Variants in IGSF11 observed in about 807,000 individuals in gnomAD.
IGSF11 encodes the protein CXADR like 1.
In IGSF11, 22 loss-of-function variants were observed where a neutral mutation model predicts 41.0. The observed-to-expected ratio is 0.54, with a 90% CI of 0.38 to 0.77. The LOEUF (loss-of-function observed/expected upper bound fraction) is 0.77, where lower values mean the gene tolerates loss of function less well. Among genes scored for constraint, IGSF11 ranks in the 30% least tolerant of loss-of-function variants. IGSF11 has a pLI of 0.00. For synonymous variants in IGSF11, 219 were observed against 201.3 expected (o/e 1.09, Z -0.74); for missense variants, 444 against 530.8 (o/e 0.84, Z 1.61).
chr3:119,003,988 A>G lies in IGSF11; in HGVS notation c.52+30543T>C, dbSNP rs567718149. Among the ~76,000 whole-genome samples the G allele has an allele frequency of 3.8e-3, 572 of 152,092 alleles. 2 individuals are homozygous for G. The highest frequency in any genetic ancestry group is 6.8e-3 in the Non-Finnish European group (460 of 67,994). On this transcript the variant is annotated intron_variant, in intron 1 of 6. Coordinates refer to ENST00000393775, the MANE Select transcript of IGSF11 (RefSeq NM_001015887.3). ...TGATGTTGGCCTCATAAAATGAGTT[A>G]GGGAGGATTCCCTCTTTTTTTATTG...
chr3:119,100,718 GT>G, intron 1 of IGSF11, among the ~76,000 whole-genome samples: 1 of 152,278 alleles, frequency 6.6e-6, no homozygotes, highest in Non-Finnish European at 1.5e-5. Flanking sequence ...ACCATGAGAC[GT>G]TTCTAAGGTT....
At chr3:118,965,173 T>A (rs1434539222) in intron 1 of IGSF11, among the ~76,000 whole-genome samples, 1 of 152,126 alleles carries the variant, frequency 6.6e-6, no homozygotes, top group East Asian at 1.9e-4. Flanking sequence ...AAAATATACT[T>A]TAGCATATAA....
At chr3:118,998,579 C>T (rs1284552513) in intron 1 of IGSF11, among the ~76,000 whole-genome samples, 1 of 129,770 alleles carries the variant, frequency 7.7e-6, no homozygotes, top group Non-Finnish European at 1.7e-5. Context: ...GTATTATTTG[C>T]AAAAAAAAAA....
intron 1 of IGSF11, among the ~76,000 whole-genome samples, chr3:119,111,679 GT>G (rs1352030802): frequency 6.6e-6 from 1 of 152,200 alleles, no homozygotes; most frequent in African/African-American, 2.4e-5. Context: ...GCTTTTTAGA[GT>G]TTCCAGTTTT....
chr3:119,091,543 T>A (rs1439188313), intron 1 of IGSF11, among the ~76,000 whole-genome samples: 1 of 152,182 alleles, frequency 6.6e-6, no homozygotes, highest in Non-Finnish European at 1.5e-5. Flanking sequence ...AATGAAATAA[T>A]ATCCTTTGCA....
At position 118,903,822 on chromosome 3, in the gene IGSF11, GC is replaced by G. The variant is rs545947283; in HGVS notation, c.854+825del. Among the ~76,000 whole-genome samples, 518 of 152,296 alleles carry G rather than the reference GC, an allele frequency of 3.4e-3. 3 individuals are homozygous for G. Among genetic ancestry groups the G allele is most frequent in the African/African-American group, 0.011 (464 of 41,568 alleles). Reference sequence around the variant, plus strand: ...ACGAGTCTGAAAGGTTAGGCAAGGGGCTAAAGACAACTTATGTGAGGAGGTG... The same window carrying G: ...ACGAGTCTGAAAGGTTAGGCAAGGGGTAAAGACAACTTATGTGAGGAGGTG... On this transcript the variant is annotated intron_variant, in intron 6 of 6. Transcript: ENST00000393775.
chr3:119,055,563 G>C (rs926444860), intron 1 of IGSF11, among the ~76,000 whole-genome samples: 1 of 152,098 alleles, frequency 6.6e-6, no homozygotes, highest in Non-Finnish European at 1.5e-5. Flanking sequence ...ACAGAACAAC[G>C]AGACAGAAAG....
chr3:119,059,119 TATA>T (rs1941964571), intron 1 of IGSF11, among the ~76,000 whole-genome samples: 2 of 151,200 alleles, frequency 1.3e-5, no homozygotes, highest in South Asian at 2.1e-4. Context: ...AAACTTAAAG[TATA>T]ATAATAATAA....
intron 1 of IGSF11, among the ~76,000 whole-genome samples, chr3:119,097,730 C>G (rs2076877027): frequency 6.6e-6 from 1 of 152,080 alleles, no homozygotes; most frequent in South Asian, 2.1e-4. Context: ...TTACAAACCT[C>G]AAGAGAAAGC....
At chr3:119,125,312 A>G (rs1021739225) in intron 1 of IGSF11, among the ~76,000 whole-genome samples, 1 of 152,206 alleles carries the variant, frequency 6.6e-6, no homozygotes, top group Non-Finnish European at 1.5e-5. Context: ...GAGCAGACTT[A>G]GTGTGAGAAA....
At chr3:119,111,214 A>G (rs1429203044) in intron 1 of IGSF11, among the ~76,000 whole-genome samples, 1 of 152,170 alleles carries the variant, frequency 6.6e-6, no homozygotes, top group Non-Finnish European at 1.5e-5. Flanking sequence ...TCTCCCCATC[A>G]CTTTCAGGTA....
chr3:118,940,043 AAAG>A (rs1436435762), intron 1 of IGSF11, among the ~76,000 whole-genome samples: 1 of 152,214 alleles, frequency 6.6e-6, no homozygotes, highest in African/African-American at 2.4e-5. Flanking sequence ...ACAGACATTA[AAAG>A]AAGAACAAAG....
upstream of IGSF11, among the ~76,000 whole-genome samples, chr3:119,035,612 GTTTT>G (rs1409540495): frequency 2.0e-5 from 3 of 152,194 alleles, no homozygotes; most frequent in Admixed American, 1.3e-4. Context: ...GTTTAGTTGG[GTTTT>G]TTGTTTTTGC....
At chr3:118,930,045 G>A in intron 2 of IGSF11, 67 bp downstream of exon 2, 1 of 1,482,842 alleles carries the variant, frequency 6.7e-7, no homozygotes. Context: ...TACTCATGAT[G>A]CTTCCCTACC....
At chr3:118,936,913 A>G (rs933541763) in intron 1 of IGSF11, among the ~76,000 whole-genome samples, 27 of 152,246 alleles carry the variant, frequency 1.8e-4, no homozygotes, top group Non-Finnish European at 3.7e-4. Flanking sequence ...TTTTACTGTG[A>G]TCTGCCTACT....
chr3:119,125,826 G>C (rs1384246589), intron 1 of IGSF11, among the ~76,000 whole-genome samples: 2 of 152,186 alleles, frequency 1.3e-5, no homozygotes, highest in Non-Finnish European at 2.9e-5. Flanking sequence ...CGTGGGGAAG[G>C]GGAACCACCT....
At position 118,973,153 on chromosome 3, in the gene IGSF11, G is replaced by A. The variant is rs979464123; in HGVS notation, c.53-42878C>T. Among the ~76,000 whole-genome samples the A allele has an allele frequency of 5.9e-5, 9 of 152,298 alleles. 1 individual carries two copies. Among genetic ancestry groups the A allele is most frequent in the East Asian group, 1.9e-4 (1 of 5,182 alleles). Reference sequence around the variant, plus strand: ...TCCAGGGATATGCCCCGCCCAGCAGGGAGCAGAGCTTGTCATATGTATACA... The same window carrying A: ...TCCAGGGATATGCCCCGCCCAGCAGAGAGCAGAGCTTGTCATATGTATACA... On this transcript the variant is annotated intron_variant, in intron 1 of 6. Coordinates refer to ENST00000393775, the MANE Select transcript of IGSF11 (RefSeq NM_001015887.3).
upstream of IGSF11, among the ~76,000 whole-genome samples, chr3:119,106,571 A>T (rs2077029767): frequency 6.6e-6 from 1 of 152,016 alleles, no homozygotes; most frequent in African/African-American, 2.4e-5. Flanking sequence ...ACTCCATTGT[A>T]TACATGTCCC....
At chr3:119,115,939 T>C (rs1422091344) in intron 1 of IGSF11, among the ~76,000 whole-genome samples, 1 of 152,218 alleles carries the variant, frequency 6.6e-6, no homozygotes, top group African/African-American at 2.4e-5. Flanking sequence ...ACATTTTAAG[T>C]CTTAAGATTA....
Sources: gnomAD v4.1 joint callset for allele counts (sites outside exome capture counted in the v4.1 genomes callset) on GRCh38, gnomAD v4.1.1 for gene constraint, MANE v1.5 for transcripts, NCBI Gene and HGNC (gene_info 2026-07-23, HGNC 2026-07-21) for gene names.